ZNF716: variants seen among roughly 807,000 people sequenced by gnomAD.
The protein encoded by ZNF716 is zinc finger protein 716.
In ZNF716, 9 loss-of-function variants were observed where a neutral mutation model predicts 13.4. The observed-to-expected ratio is 0.67, with a 90% confidence interval of 0.41 to 1.18. The LOEUF is 1.18. ZNF716 is among the 50% of genes most tolerant of loss of function. The pLI, the probability that ZNF716 is intolerant of heterozygous loss-of-function variation, is 0.01. For synonymous variants in ZNF716, 186 were observed against 195.2 expected (o/e 0.95, Z 0.39); for missense variants, 581 against 576.6 (o/e 1.01, Z -0.08).
chr7:57,471,148 G>T lies in ZNF716; in HGVS notation c.*1199G>T, dbSNP rs1554325248. 1.3e-5 allele frequency: 2 copies of T among 152,134 alleles called. No homozygotes were observed. The highest frequency in any genetic ancestry group is 2.9e-5 in the Non-Finnish European group (2 of 68,030). The allele number at this position is 152,134 out of a possible 1,614,324, so 9.4% of individuals were successfully genotyped here. ...AAAAGCATTATAGGCTAGATGTGGT[G>T]GCTCATGCCTGTAATCCCAGCACTT... is the stretch of plus-strand genomic sequence containing the variant. On this transcript the variant is annotated 3_prime_UTR_variant, in exon 4 of 4. Transcript: ENST00000420713.
chr7:57,463,066 A>G lies in ZNF716; in HGVS notation c.167-7A>G. 6.2e-7 allele frequency: 1 copy of G among 1,607,202 alleles called. No individual in the cohort carries two copies. Among genetic ancestry groups the G allele is most frequent in the Non-Finnish European group, 8.5e-7 (1 of 1,179,292 alleles). On this transcript the variant is annotated splice_region_variant and splice_polypyrimidine_tract_variant and intron_variant, in intron 2 of 3. Coordinates refer to ENST00000420713, the MANE Select transcript of ZNF716 (RefSeq NM_001159279.1). ...TTTATGTTACTTTTTTTTCCTTAATAAAACAGGTATTGCTGTCTCTAAGCC... is the reference window on the plus strand; with the variant it reads ...TTTATGTTACTTTTTTTTCCTTAATGAAACAGGTATTGCTGTCTCTAAGCC...
chr7:57,457,815 A>T (rs2116409303), intron 1 of ZNF716, among the ~76,000 whole-genome samples: 1 of 152,068 alleles, frequency 6.6e-6, no homozygotes, highest in East Asian at 1.9e-4. Flanking sequence ...CCAACCCTTC[A>T]CCCTGAACGA....
rs1789949650 is a variant in ZNF716 at position 57,471,950 on chromosome 7, A to C, written c.*2001A>C. The C allele has an allele frequency of 6.6e-6, 1 of 152,172 alleles. No homozygotes were observed. Among genetic ancestry groups the C allele is most frequent in the Non-Finnish European group, 1.5e-5 (1 of 68,006 alleles). 9.4% of individuals were successfully genotyped at this position (152,172 alleles called of 1,614,324 possible). ...GTATGCTTCTTTCTTTGTAAAAAAA[A>C]ATATAGATTTTCTGAAAAGCAAATA... On this transcript the variant is annotated 3_prime_UTR_variant, in exon 4 of 4. Coordinates refer to ENST00000420713, the MANE Select transcript of ZNF716 (RefSeq NM_001159279.1).
In ZNF716 at chr7:57,450,311, C is replaced by A; in HGVS notation, c.23C>A (p.Pro8His). Residue 8 changes from proline to histidine, a missense_variant, in exon 1 of 4, where the codon CCT (proline) becomes CAT (histidine). By Grantham distance (77) the Pro-to-His change is moderately conservative (BLOSUM62 -2). Transcript: ENST00000420713. ...TTTATGGCTAAAAGACCGGGACCCC[C>A]TGGAAGCCGAGAAATGGTGAGTGCT... The part of the protein sequence containing the change: MAKRPGP[P>H]GSREMGLLTF... 6.2e-7 allele frequency: 1 copy of A among 1,613,966 alleles called. No homozygotes were observed. Among genetic ancestry groups the A allele is most frequent in the Non-Finnish European group, 8.5e-7 (1 of 1,179,958 alleles).
intron 1 of ZNF716, among the ~76,000 whole-genome samples, chr7:57,458,664 G>A (rs1472415071): frequency 1.9e-4 from 29 of 152,168 alleles, no homozygotes; most frequent in African/African-American, 6.0e-4. Context: ...CTTGTGATCC[G>A]CCCACCTCGG....
At chr7:57,456,893 G>A (rs1231500513) in intron 1 of ZNF716, among the ~76,000 whole-genome samples, 1 of 152,080 alleles carries the variant, frequency 6.6e-6, no homozygotes, top group Non-Finnish European at 1.5e-5. Context: ...ACACTGTCCT[G>A]TGATTCTAGG....
chr7:57,453,073 C>T (rs187653887), intron 1 of ZNF716, among the ~76,000 whole-genome samples: 3 of 152,136 alleles, frequency 2.0e-5, no homozygotes, highest in Admixed American at 2.0e-4. Flanking sequence ...AGACATATTG[C>T]TGGTCAGCCA....
chr7:57,471,117 C>CTT lies in ZNF716; in HGVS notation c.*1169_*1170dup, dbSNP rs1554325241. On this transcript the variant is annotated 3_prime_UTR_variant, in exon 4 of 4. Transcript: ENST00000420713. ...CTTACTCAATATCAGAAAGTTTATA[C>CTT]TTAACAAAAGCATTATAGGCTAGAT... 1.3e-5 allele frequency: 2 copies of CTT among 152,032 alleles called. No homozygotes were observed. The highest frequency in any genetic ancestry group is 2.9e-5 in the Non-Finnish European group (2 of 68,002). The allele number at this position is 152,032 out of a possible 1,614,324, so 9.4% of individuals were successfully genotyped here. A position where few individuals can be genotyped will look rare whatever the true frequency, so the allele number is the denominator to read the frequency against.
intron 1 of ZNF716, among the ~76,000 whole-genome samples, chr7:57,456,452 C>T (rs1554322172): frequency 6.6e-6 from 1 of 152,040 alleles, no homozygotes; most frequent in Non-Finnish European, 1.5e-5. Flanking sequence ...TGAGACTGAG[C>T]TCTGAATTAT....
chr7:57,462,262 C>T (rs1789719735), intron 1 of ZNF716, 198 bp from the exon 2 acceptor site: 4 of 624,222 alleles, frequency 6.4e-6, no homozygotes, highest in Admixed American at 2.9e-5. Flanking sequence ...CTTATGCTAT[C>T]CTCTTTTCTC....
At chr7:57,462,839 G>T (rs1330041521) in intron 2 of ZNF716, among the ~76,000 whole-genome samples, 1 of 152,018 alleles carries the variant, frequency 6.6e-6, no homozygotes, top group Middle Eastern at 3.2e-3. Flanking sequence ...AAATATCATT[G>T]CCCACAATTT....
chr7:57,450,317 G>C lies in ZNF716; in HGVS notation c.29G>C (p.Ser10Thr). Residue 10 changes from serine (S) to threonine (T), a missense_variant, in exon 1 of 4, where the codon AGC becomes ACC. Ser to Thr is a moderately conservative substitution (Grantham distance 58). Transcript: ENST00000420713. MAKRPGPPG[S>T]REMGLLTFRD... is the part of the protein sequence containing the mutation. ...GCTAAAAGACCGGGACCCCCTGGAA[G>C]CCGAGAAATGGTGAGTGCTGGGTCT... 6.2e-7 allele frequency: 1 copy of C among 1,613,978 alleles called. No homozygotes were observed. Among genetic ancestry groups the C allele is most frequent in the Admixed American group, 1.7e-5 (1 of 60,012 alleles).
rs574378100 is a variant in ZNF716 at position 57,462,393 on chromosome 7, A to G, written c.40-67A>G. On this transcript the variant is annotated intron_variant, in intron 1 of 3. Transcript: ENST00000420713. ...ATGAGTCAAATAAAAATCTCTGCCT[A>G]TGGCAACATGGTAACTGTTTGTGTG... 2.2e-5 allele frequency: 35 copies of G among 1,557,824 alleles called. No individual in the cohort carries two copies. The South Asian group carries it at 2.3e-4, about 10-fold the overall frequency.
rs1391270486 is a variant in ZNF716, at chr7:57,464,756, A to C, written c.262+1588A>C. Among the ~76,000 whole-genome samples, 5 of 151,842 alleles carry C rather than the reference A, an allele frequency of 3.3e-5. No individual in the cohort carries two copies. The South Asian group carries it at 1.0e-3, about 32-fold the overall frequency. ...GTATTTTGTTGAAAAAATTTTTTAT[A>C]TGATGTAATTAAAACATCCAACTTC... is the stretch of plus-strand genomic sequence containing the variant. On this transcript the variant is annotated intron_variant, in intron 3 of 3. Coordinates refer to ENST00000420713, the MANE Select transcript of ZNF716 (RefSeq NM_001159279.1).
At chr7:57,465,392 G>A (rs1178610147) in intron 3 of ZNF716, among the ~76,000 whole-genome samples, 1 of 150,690 alleles carries the variant, frequency 6.6e-6, no homozygotes, top group Non-Finnish European at 1.5e-5. Flanking sequence ...TCACTCTGTT[G>A]CCCAGACTGT....
At position 57,451,441 on chromosome 7, in the gene ZNF716, A is replaced by ATTTTTTTT. The variant is rs782311074; in HGVS notation, c.39+1131_39+1138dup. On this transcript the variant is annotated intron_variant, in intron 1 of 3. Transcript: ENST00000420713. ...CCACAGGAAATTGGTTTTCCCTTGG[A>ATTTTTTTT]TTTTTTTTTTTTTTTTTTTTTTTTG... is the stretch of plus-strand genomic sequence containing the variant. 2.5e-3 allele frequency among the ~76,000 whole-genome samples: 220 copies of ATTTTTTTT among 89,032 alleles called. 13 individuals are homozygous for ATTTTTTTT. The highest frequency in any genetic ancestry group is 9.7e-3 in the African/African-American group (211 of 21,650). The allele number at this position is 89,032 out of a possible 152,430, so 58.4% of individuals were successfully genotyped here.
chr7:57,453,970 T>A (rs563244542), intron 1 of ZNF716, among the ~76,000 whole-genome samples: 5 of 152,236 alleles, frequency 3.3e-5, no homozygotes, highest in Admixed American at 1.3e-4. Context: ...GTAGCTGGGA[T>A]TACAGACACC....
In ZNF716 at chr7:57,462,310, G is replaced by A. The variant is rs556007745; in HGVS notation, c.40-150G>A. The stretch of plus-strand genomic sequence containing the variant: ...CTTCCATGTTAAACATTATCTTAAT[G>A]AATAATTTTAGTCACTCTTACAAGT... On this transcript the variant is annotated intron_variant, in intron 1 of 3. Transcript: ENST00000420713. 242 of 825,276 alleles carry A rather than the reference G, an allele frequency of 2.9e-4. 3 individuals carry two copies. The South Asian group carries it at 3.7e-3, about 13-fold the overall frequency. The allele number at this position is 825,276 out of a possible 1,614,324, so 51.1% of individuals were successfully genotyped here. A position where few individuals can be genotyped will look rare whatever the true frequency, so the allele number is the denominator to read the frequency against.
At position 57,462,487 on chromosome 7, in the gene ZNF716, A is replaced by G. The variant is rs1554323292; in HGVS notation, c.67A>G (p.Ile23Val). The G allele has an allele frequency of 8.7e-6, 14 of 1,613,962 alleles. No individual in the cohort carries two copies. The highest frequency in any genetic ancestry group is 2.7e-5 in the African/African-American group (2 of 75,016). ...ACTGTTGACATTCAGAGACATAGCT[A>G]TAGAATTTTCTCTGGCGGAATGGCA... ...MGLLTFRDIA[I>V]EFSLAEWQCL... is the part of the protein sequence containing the mutation. The change falls in exon 2 of 4, where the codon ATA becomes GTA. Residue 23 changes from isoleucine to valine, a missense_variant. Transcript: ENST00000420713.
Sources: gnomAD v4.1 joint callset for allele counts (sites outside exome capture counted in the v4.1 genomes callset) on GRCh38, gnomAD v4.1.1 for gene constraint, MANE v1.5 for transcripts, NCBI Gene and HGNC (gene_info 2026-07-23, HGNC 2026-07-21) for gene names.